Variants in CYRIB observed in about 807,000 individuals in gnomAD.
CYRIB encodes CYFIP-related Rac1 interactor B.
In CYRIB, 8 loss-of-function variants were observed where a neutral mutation model predicts 44.2. The observed-to-expected ratio is 0.18, with a 90% CI of 0.11 to 0.33. CYRIB has a LOEUF of 0.33. Among genes scored for constraint, CYRIB ranks in the 10% least tolerant of loss-of-function variants. CYRIB has a pLI of 1.00. For synonymous variants in CYRIB, 131 were observed against 127.2 expected, an observed-to-expected ratio of 1.03 and a Z score of -0.20; for missense variants, 185 against 382.8, an observed-to-expected ratio of 0.48 and a Z score of 4.31.
chr8:129,956,790 T>G (rs2094864099), intron 2 of CYRIB, among the ~76,000 whole-genome samples: 1 of 151,860 alleles, frequency 6.6e-6, no homozygotes, highest in Admixed American at 6.6e-5. Flanking sequence ...CATTTAAGCC[T>G]ATTTTTCCTT....
intron 1 of CYRIB, among the ~76,000 whole-genome samples, chr8:129,908,400 A>C (rs531453513): frequency 1.3e-5 from 2 of 152,286 alleles, no homozygotes; most frequent in East Asian, 3.9e-4. Context: ...GGTTTAGAGA[A>C]CTGGTTCTGA....
At chr8:129,895,409 T>C (rs928706859) in intron 2 of CYRIB, among the ~76,000 whole-genome samples, 2 of 116,626 alleles carry the variant, frequency 1.7e-5, no homozygotes, top group Non-Finnish European at 4.0e-5. Context: ...TTGTTTGTCA[T>C]AACAGTCCAG....
chr8:129,891,628 A>C (rs1333335359), intron 2 of CYRIB, among the ~76,000 whole-genome samples: 1 of 152,250 alleles, frequency 6.6e-6, no homozygotes, highest in Non-Finnish European at 1.5e-5. Context: ...AATTACATGC[A>C]GTTAACTCAC....
intron 5 of CYRIB, among the ~76,000 whole-genome samples, chr8:129,857,212 T>G (rs1229313776): frequency 2.6e-5 from 4 of 152,166 alleles, no homozygotes; most frequent in East Asian, 1.9e-4. Flanking sequence ...GGAGCCTTAT[T>G]ATATAGAGAG....
At chr8:130,012,721 A>G (rs2097254671) in intron 1 of CYRIB, among the ~76,000 whole-genome samples, 1 of 152,164 alleles carries the variant, frequency 6.6e-6, no homozygotes, top group Non-Finnish European at 1.5e-5. Context: ...CCCAGGCTGT[A>G]GGGCCCCAAA....
At chr8:129,990,522 GTA>G (rs1289799093) in intron 1 of CYRIB, among the ~76,000 whole-genome samples, 20 of 139,502 alleles carry the variant, frequency 1.4e-4, no homozygotes, top group African/African-American at 5.0e-4. Flanking sequence ...GTGTGTGTGT[GTA>G]TATATTTTTT....
chr8:129,990,530 T>A (rs898657629), intron 1 of CYRIB, among the ~76,000 whole-genome samples: 6 of 150,938 alleles, frequency 4.0e-5, no homozygotes, highest in Admixed American at 1.3e-4. Flanking sequence ...GTGTATATAT[T>A]TTTTTTCTTC....
intron 2 of CYRIB, among the ~76,000 whole-genome samples, chr8:129,898,042 G>A (rs1320226859): frequency 1.3e-5 from 2 of 151,902 alleles, no homozygotes; most frequent in Non-Finnish European, 2.9e-5. Context: ...GGAATTACAG[G>A]CGTGAGCCAC....
chr8:129,952,106 T>G (rs1350402879), intron 2 of CYRIB, among the ~76,000 whole-genome samples: 3 of 152,254 alleles, frequency 2.0e-5, no homozygotes, highest in African/African-American at 7.2e-5. Flanking sequence ...AGTGCAATGG[T>G]GCAATCTCGG....
chr8:129,905,790 T>C (rs1007364276), intron 1 of CYRIB, among the ~76,000 whole-genome samples: 1 of 152,082 alleles, frequency 6.6e-6, no homozygotes. Flanking sequence ...TCTTAATAAA[T>C]CAAGACACAA....
intron 2 of CYRIB, among the ~76,000 whole-genome samples, chr8:129,888,750 C>T (rs962708885): frequency 6.6e-6 from 1 of 152,064 alleles, no homozygotes; most frequent in Non-Finnish European, 1.5e-5. Flanking sequence ...AGAACAATGC[C>T]TGGGATGTAG....
At chr8:129,861,781 T>C (rs1401401073) in intron 5 of CYRIB, among the ~76,000 whole-genome samples, 1 of 152,136 alleles carries the variant, frequency 6.6e-6, no homozygotes, top group Non-Finnish European at 1.5e-5. Flanking sequence ...TTTAGATACA[T>C]GAATTAAGCG....
intron 1 of CYRIB, among the ~76,000 whole-genome samples, chr8:130,010,169 C>G (rs1013607852): frequency 1.3e-5 from 2 of 152,228 alleles, no homozygotes; most frequent in African/African-American, 4.8e-5. Context: ...AAAGCTGTCA[C>G]TTTTCCCACA....
intron 1 of CYRIB, chr8:130,004,680 CT>C (rs2096993969): frequency 6.6e-6 from 1 of 151,618 alleles, no homozygotes; most frequent in Non-Finnish European, 1.5e-5. Flanking sequence ...CATTGACTCA[CT>C]GATGTTCCTG....
At chr8:129,968,066 G>T (rs1451424457) in intron 2 of CYRIB, among the ~76,000 whole-genome samples, 1 of 152,168 alleles carries the variant, frequency 6.6e-6, no homozygotes, top group Non-Finnish European at 1.5e-5. Context: ...ATGTGACCAT[G>T]AGCTAGTGGC....
chr8:129,959,613 A>C (rs1292147405), intron 2 of CYRIB, among the ~76,000 whole-genome samples: 1 of 152,102 alleles, frequency 6.6e-6, no homozygotes, highest in Non-Finnish European at 1.5e-5. Context: ...CATCTCTATT[A>C]TTAATATTTT....
Sources: allele counts gnomAD v4.1 joint callset (sites outside exome capture counted in the v4.1 genomes callset), GRCh38; gene constraint gnomAD v4.1.1; transcripts MANE v1.5; gene names NCBI Gene and HGNC (gene_info 2026-07-23, HGNC 2026-07-21).